HDAC8: variants seen among roughly 807,000 people sequenced by gnomAD.
HDAC8 encodes the protein histone deacetylase-like 1.
In HDAC8, 1 loss-of-function variant was observed where a neutral mutation model predicts 32.2. That is an observed-to-expected ratio of 0.03 (90% CI 0.01 to 0.15). The LOEUF (loss-of-function observed/expected upper bound fraction) is 0.15, where lower values mean the gene tolerates loss of function less well. Among genes scored for constraint, HDAC8 ranks in the 10% least tolerant of loss-of-function variants. The pLI is 1.00. For missense variants in HDAC8, 117 were observed against 300.0 expected (o/e 0.39, Z 4.51); for synonymous variants, 108 against 113.9 (o/e 0.95, Z 0.33).
In HDAC8 at chrX:72,533,002, A is replaced by C. The variant is rs2050400491; in HGVS notation, c.437+34887T>G. Among the ~76,000 whole-genome samples, 5 of 112,009 alleles carry C rather than the reference A, an allele frequency of 4.5e-5. No individual in the cohort carries two copies. The Admixed American group carries it at 4.7e-4, about 11-fold the overall frequency. On this transcript the variant is annotated intron_variant, in intron 4 of 10. Coordinates refer to ENST00000373573, the MANE Select transcript of HDAC8 (RefSeq NM_018486.3). ...AGAGTTTTATAGTTTTAGTTCTTAC[A>C]TTTAAGTCTTTGATCTATTTTGACT...
chrX:72,366,239 G>T (rs2044693965), intron 9 of HDAC8, among the ~76,000 whole-genome samples: 1 of 111,673 alleles, frequency 9.0e-6, no homozygotes, highest in South Asian at 3.8e-4. Flanking sequence ...GCTCCCCACT[G>T]ACTGCAGGAC....
At chrX:72,360,062 A>G (rs1555951986) in intron 9 of HDAC8, among the ~76,000 whole-genome samples, 1 of 76,144 alleles carries the variant, frequency 1.3e-5, no homozygotes. Flanking sequence ...TCAAAAAAAG[A>G]AAAAAAAAAA....
chrX:72,400,938 T>C (rs2045884304), intron 9 of HDAC8, among the ~76,000 whole-genome samples: 1 of 112,677 alleles, frequency 8.9e-6, no homozygotes, highest in South Asian at 3.7e-4. Context: ...TGCCAAATAA[T>C]ATTCCACTGT....
At chrX:72,540,149 C>T (rs2050656521) in intron 4 of HDAC8, among the ~76,000 whole-genome samples, 1 of 112,177 alleles carries the variant, frequency 8.9e-6, no homozygotes, top group Admixed American at 9.4e-5. Flanking sequence ...GACTCTTTTC[C>T]TCCTCTTGCC....
chrX:72,475,686 C>T (rs1364142694), intron 7 of HDAC8, among the ~76,000 whole-genome samples: 2 of 111,333 alleles, frequency 1.8e-5, no homozygotes, highest in African/African-American at 6.5e-5. Flanking sequence ...ATTCAGAAGA[C>T]ATTTAATTTT....
At chrX:72,569,858 C>G (rs896488210) in intron 2 of HDAC8, among the ~76,000 whole-genome samples, 2 of 112,304 alleles carry the variant, frequency 1.8e-5, no homozygotes, top group Non-Finnish European at 3.8e-5. Flanking sequence ...AAATGCAGAA[C>G]TTCAGACTTG....
At chrX:72,360,216 G>A (rs2044508751) in intron 9 of HDAC8, among the ~76,000 whole-genome samples, 2 of 108,256 alleles carry the variant, frequency 1.8e-5, no homozygotes, top group Non-Finnish European at 3.8e-5. Context: ...TTAGCCAGGT[G>A]TGGTGCCGCA....
chrX:72,444,228 A>C (rs1355290240), intron 9 of HDAC8, among the ~76,000 whole-genome samples: 1 of 96,728 alleles, frequency 1.0e-5, no homozygotes, highest in Non-Finnish European at 2.0e-5. Context: ...GCAGAGACAC[A>C]ACCAAAAAAG....
chrX:72,493,611 C>T (rs901647250), intron 5 of HDAC8, among the ~76,000 whole-genome samples: 6 of 111,540 alleles, frequency 5.4e-5, no homozygotes, highest in African/African-American at 1.3e-4. Context: ...CTATTGCACA[C>T]GCACACACAT....
chrX:72,487,408 G>A (rs1159903471), intron 7 of HDAC8, among the ~76,000 whole-genome samples: 2 of 111,474 alleles, frequency 1.8e-5, no homozygotes, highest in Non-Finnish European at 3.8e-5. Flanking sequence ...GGTGGGCACT[G>A]GAAAATCCTC....
intron 6 of HDAC8, among the ~76,000 whole-genome samples, chrX:72,490,399 T>C (rs1210989292): frequency 9.3e-6 from 1 of 107,623 alleles, no homozygotes; most frequent in Non-Finnish European, 1.9e-5. Context: ...GTGGCACATA[T>C]ACACCATGGA....
At chrX:72,331,871 G>A (rs1290819295) in intron 10 of HDAC8, among the ~76,000 whole-genome samples, 4 of 111,833 alleles carry the variant, frequency 3.6e-5, no homozygotes, top group South Asian at 3.7e-4. Flanking sequence ...ATCAAGATGC[G>A]AAACTATTTT....
chrX:72,433,765 A>T (rs782820011), intron 9 of HDAC8, among the ~76,000 whole-genome samples: 214 of 111,783 alleles, frequency 1.9e-3, no homozygotes, highest in African/African-American at 6.3e-3. Context: ...ATGTTTAGAA[A>T]CATGTGTCCT....
At chrX:72,554,658 ATAATCCCCC>A (rs1218618193) in intron 4 of HDAC8, among the ~76,000 whole-genome samples, 10 of 111,637 alleles carry the variant, frequency 9.0e-5, no homozygotes, top group Middle Eastern at 9.3e-3. Context: ...AGAGGCAGCC[ATAATCCCCC>A]TGGGAATGTA....
At chrX:72,473,872 T>C (rs2148070807) in intron 7 of HDAC8, 2 of 754,445 alleles carry the variant, frequency 2.7e-6, no homozygotes, top group South Asian at 1.3e-4. Context: ...CAAATTTTCA[T>C]AGCTAAGAAT....
At chrX:72,500,008 C>A (rs1556015207) in intron 4 of HDAC8, among the ~76,000 whole-genome samples, 1 of 111,485 alleles carries the variant, frequency 9.0e-6, no homozygotes, top group African/African-American at 3.3e-5. Flanking sequence ...ACACTCTATG[C>A]ACACAAACTA....
intron 9 of HDAC8, among the ~76,000 whole-genome samples, chrX:72,446,165 C>A (rs1343474158): frequency 8.9e-6 from 1 of 112,184 alleles, no homozygotes; most frequent in African/African-American, 3.2e-5. Context: ...TACCATTTGA[C>A]CCAGCCATCC....
At chrX:72,553,008 T>G (rs2051139824) in intron 4 of HDAC8, among the ~76,000 whole-genome samples, 1 of 110,757 alleles carries the variant, frequency 9.0e-6, no homozygotes, top group Admixed American at 9.7e-5. Context: ...AAGATAAGCA[T>G]TTTTTCTATT....
intron 9 of HDAC8, among the ~76,000 whole-genome samples, chrX:72,431,605 T>C (rs926735254): frequency 8.1e-5 from 9 of 111,333 alleles, no homozygotes; most frequent in African/African-American, 2.9e-4. Flanking sequence ...GCTGCCATTT[T>C]CTTTACCGTC....
Sources: gnomAD v4.1 joint callset for allele counts (sites outside exome capture counted in the v4.1 genomes callset) on GRCh38, gnomAD v4.1.1 for gene constraint, MANE v1.5 for transcripts, NCBI Gene and HGNC (gene_info 2026-07-23, HGNC 2026-07-21) for gene names.